KIAA1958: variants seen among roughly 807,000 people sequenced by gnomAD.
KIAA1958 encodes the protein KIAA1958.
Under a neutral mutation model 47.2 loss-of-function variants are expected in KIAA1958, and 14 were observed. The ratio of observed to expected loss-of-function variants is 0.30; its 90% confidence interval spans 0.20 to 0.46. The LOEUF (loss-of-function observed/expected upper bound fraction) is 0.46. Ranked by LOEUF, KIAA1958 falls within the 20% of genes least tolerant of loss-of-function variation. The pLI is 1.00. For missense variants in KIAA1958, 803 were observed against 909.2 expected (o/e 0.88, Z 1.50); for synonymous variants, 354 against 353.3 (o/e 1.00, Z -0.02).
chr9:112,585,961 A>G (rs990088573), intron 2 of KIAA1958, among the ~76,000 whole-genome samples: 1 of 152,228 alleles, frequency 6.6e-6, no homozygotes, highest in Middle Eastern at 3.2e-3. Flanking sequence ...CAAAGTGCCA[A>G]GTTCAGATTA....
intron 2 of KIAA1958, among the ~76,000 whole-genome samples, chr9:112,631,883 C>T (rs2131230430): frequency 6.6e-6 from 1 of 152,192 alleles, no homozygotes; most frequent in African/African-American, 2.4e-5. Flanking sequence ...TTTTATAGTG[C>T]TGTTGTTAGA....
At chr9:112,586,136 G>T (rs780404017) in intron 2 of KIAA1958, among the ~76,000 whole-genome samples, 4 of 152,182 alleles carry the variant, frequency 2.6e-5, no homozygotes, top group Non-Finnish European at 5.9e-5. Flanking sequence ...GAATGATTTT[G>T]TAAGAATAAA....
chr9:112,561,623 G>T (rs1347582325), intron 1 of KIAA1958, among the ~76,000 whole-genome samples: 2 of 152,162 alleles, frequency 1.3e-5, no homozygotes, highest in Admixed American at 1.3e-4. Context: ...GGGAGGCTGA[G>T]GCGGGCATAT....
chr9:112,567,801 A>G (rs1349952819), intron 1 of KIAA1958, among the ~76,000 whole-genome samples: 1 of 151,936 alleles, frequency 6.6e-6, no homozygotes, highest in Admixed American at 6.6e-5. Flanking sequence ...TACTGAAAAT[A>G]CAAAAAGTTA....
intron 1 of KIAA1958, among the ~76,000 whole-genome samples, chr9:112,506,785 A>G (rs1279521353): frequency 6.6e-6 from 1 of 151,996 alleles, no homozygotes; most frequent in East Asian, 1.9e-4. Context: ...TTTATTAGAA[A>G]GTTTTTGCCT....
rs1306493757 is a variant in KIAA1958 at position 112,666,691 on chromosome 9, T to G, written c.*6622T>G. 1 of 152,198 alleles carries G rather than the reference T, an allele frequency of 6.6e-6. No homozygotes were observed. Among genetic ancestry groups the G allele is most frequent in the Non-Finnish European group, 1.5e-5 (1 of 68,036 alleles). The allele number at this position is 152,198 out of a possible 1,614,324, so 9.4% of individuals were successfully genotyped here. A position where few individuals can be genotyped will look rare whatever the true frequency, so the allele number is the denominator to read the frequency against. On this transcript the variant is annotated 3_prime_UTR_variant, in exon 4 of 4. Transcript: ENST00000337530. ...GGCAAAAGTTTCCAAGTAGCTCAAT[T>G]CCTGGCTTACTTCATGAAACAGGCC...
At chr9:112,573,985 C>A (rs943629991) in intron 1 of KIAA1958, 72 bp from the exon 2 acceptor site, 11 of 783,914 alleles carry the variant, frequency 1.4e-5, no homozygotes, top group African/African-American at 1.2e-4. Context: ...ATATTTGGAA[C>A]AAACTGAAGT....
At position 112,549,961 on chromosome 9, in the gene KIAA1958, G is replaced by A. The variant is rs1236772395; in HGVS notation, c.-24-24096G>A. On this transcript the variant is annotated intron_variant, in intron 1 of 3. Coordinates refer to ENST00000337530, the MANE Select transcript of KIAA1958 (RefSeq NM_133465.4). ...AAATCAAGTTGTAAAATTTGAGTAGGAAGGTGTTTTGCCAGCCAAAGAATG... is the reference window on the plus strand; with the variant it reads ...AAATCAAGTTGTAAAATTTGAGTAGAAAGGTGTTTTGCCAGCCAAAGAATG... Among the ~76,000 whole-genome samples the A allele has an allele frequency of 3.9e-5, 6 of 152,208 alleles. No homozygotes were observed. In the East Asian group the frequency reaches 1.2e-3, roughly 29 times the overall value.
chr9:112,579,116 T>C (rs1309916858), intron 2 of KIAA1958, among the ~76,000 whole-genome samples: 1 of 152,082 alleles, frequency 6.6e-6, no homozygotes, highest in Non-Finnish European at 1.5e-5. Context: ...CTCTCATGTA[T>C]ATTGGAAATA....
intron 1 of KIAA1958, among the ~76,000 whole-genome samples, chr9:112,546,463 G>A (rs1835033830): frequency 1.3e-5 from 2 of 151,874 alleles, no homozygotes; most frequent in Admixed American, 6.6e-5. Context: ...CTATGCAGCT[G>A]CCACTCTTTT....
chr9:112,648,231 C>T (rs1283235464), intron 3 of KIAA1958, among the ~76,000 whole-genome samples: 1 of 152,150 alleles, frequency 6.6e-6, no homozygotes, highest in Admixed American at 6.5e-5. Flanking sequence ...CTCCAGCTTA[C>T]TGCCTTGAGA....
At chr9:112,538,379 T>C (rs1834890256) in intron 1 of KIAA1958, among the ~76,000 whole-genome samples, 1 of 151,906 alleles carries the variant, frequency 6.6e-6, no homozygotes, top group South Asian at 2.1e-4. Context: ...AAAAAAAAGA[T>C]GTGTCAGACT....
In KIAA1958 at chr9:112,598,206, C is replaced by T. The variant is rs138795854; in HGVS notation, c.1171+22955C>T. On this transcript the variant is annotated intron_variant, in intron 2 of 3. Transcript: ENST00000337530. ...GTGTATTCCTGATGAGGGGCCAGCT[C>T]GTGCAAATGCTTTGAGAGCGAAGAT... Among the ~76,000 whole-genome samples the T allele has an allele frequency of 4.4e-4, 67 of 152,000 alleles. No individual in the cohort carries two copies. In the East Asian group the frequency reaches 0.01, roughly 24 times the overall value.
At chr9:112,528,180 C>T (rs1214805378) in intron 1 of KIAA1958, among the ~76,000 whole-genome samples, 1 of 152,104 alleles carries the variant, frequency 6.6e-6, no homozygotes. Flanking sequence ...CCCATCTTAC[C>T]ATATCCACCT....
intron 1 of KIAA1958, among the ~76,000 whole-genome samples, chr9:112,562,635 G>A (rs1051633521): frequency 9.2e-5 from 14 of 152,134 alleles, no homozygotes; most frequent in Admixed American, 7.2e-4. Flanking sequence ...TTTTATCTGC[G>A]TTGGTCAGTG....
At chr9:112,616,611 T>C (rs571517142) in intron 2 of KIAA1958, among the ~76,000 whole-genome samples, 63 of 152,352 alleles carry the variant, frequency 4.1e-4, no homozygotes, top group Non-Finnish European at 5.4e-4. Context: ...TTAACCTCTG[T>C]GTTTGCCTCT....
At chr9:112,642,877 C>T (rs903410661) in intron 2 of KIAA1958, among the ~76,000 whole-genome samples, 8 of 152,164 alleles carry the variant, frequency 5.3e-5, no homozygotes, top group Non-Finnish European at 1.0e-4. Flanking sequence ...TAATCATTTT[C>T]ACATCATTTC....
rs1588042431 is a variant in KIAA1958, at chr9:112,618,859, C to T, written c.1172-26791C>T. On this transcript the variant is annotated intron_variant, in intron 2 of 3. Coordinates refer to ENST00000337530, the MANE Select transcript of KIAA1958 (RefSeq NM_133465.4). This position sits in a 1 kb window ranked among gnomAD's most constrained non-coding sequence, Gnocchi z 7.1. ...CTGCCCAGTCAGTGGCCGGCCACTC[C>T]AACAATGGCAATTTCATCGTCTCCG... The T allele has an allele frequency of 6.5e-7, 1 of 1,549,348 alleles. No homozygotes were observed.
chr9:112,572,159 G>C (rs1191413865), intron 1 of KIAA1958, among the ~76,000 whole-genome samples: 1 of 151,924 alleles, frequency 6.6e-6, no homozygotes, highest in Non-Finnish European at 1.5e-5. Context: ...ACTCTTCTGC[G>C]TATACAGGGT....
Sources: allele counts gnomAD v4.1 joint callset (sites outside exome capture counted in the v4.1 genomes callset), GRCh38; gene constraint gnomAD v4.1.1; non-coding constraint Gnocchi (gnomAD v3.1); transcripts MANE v1.5; gene names NCBI Gene and HGNC (gene_info 2026-07-23, HGNC 2026-07-21).